Variants in RBM7 observed in about 807,000 individuals in gnomAD.
The protein encoded by RBM7 is RNA-binding protein 7.
Under a neutral mutation model 31.0 loss-of-function variants are expected in RBM7, and 13 were observed. That is an observed-to-expected ratio of 0.42 (90% confidence interval 0.27 to 0.67). The LOEUF (loss-of-function observed/expected upper bound fraction) is 0.67. RBM7 is among the 30% of genes least tolerant of loss of function. The probability of loss-of-function intolerance (pLI) is 0.24; values close to 1 mark genes in which losing one functional copy is unlikely to be tolerated. For synonymous variants in RBM7, 106 were observed against 111.2 expected, an observed-to-expected ratio of 0.95 and a Z score of 0.30; for missense variants, 245 against 326.2, an observed-to-expected ratio of 0.75 and a Z score of 1.92.
At position 114,405,735 on chromosome 11, in the gene RBM7, C is replaced by T; in HGVS notation, c.377C>T (p.Thr126Ile). 6.2e-7 allele frequency: 1 copy of T among 1,605,918 alleles called. No homozygotes were observed. The highest frequency in any genetic ancestry group is 1.1e-5 in the South Asian group (1 of 89,542). Residue 126 changes from threonine (T) to isoleucine (I), a missense_variant, in exon 4 of 5, where the codon ACT becomes ATT. Thr to Ile is a moderately conservative substitution (Grantham distance 89). Coordinates refer to ENST00000375490, the MANE Select transcript of RBM7 (RefSeq NM_001286045.2). Reference protein sequence around the residue: ...SRYERTMDNMTSSAQIIQRSF... With the variant: ...SRYERTMDNMISSAQIIQRSF... ...TACGAAAGGACTATGGATAACATGA[C>T]TTCATCAGCACAGATAATTCAGAGA...
At chr11:114,401,659 G>T in intron 1 of RBM7, 39 bp from the exon 2 acceptor site, 1 of 1,419,590 alleles carries the variant, frequency 7.0e-7, no homozygotes, top group Non-Finnish European at 9.3e-7. Flanking sequence ...TTTTCCCTTA[G>T]TTGCTTTATT....
At chr11:114,405,896 G>A (rs1212652154) in intron 4 of RBM7, 97 bp downstream of exon 4, 2 of 871,226 alleles carry the variant, frequency 2.3e-6, no homozygotes, top group East Asian at 2.8e-5. Context: ...AATTAACTTT[G>A]TTAAGTTGGA....
At chr11:114,404,367 A>T (rs183753656) in intron 3 of RBM7, among the ~76,000 whole-genome samples, 2 of 152,374 alleles carry the variant, frequency 1.3e-5, no homozygotes, top group Non-Finnish European at 2.9e-5. Context: ...ATAGTGAGCC[A>T]GCAATAGTGC....
intron 2 of RBM7, among the ~76,000 whole-genome samples, chr11:114,402,361 G>T (rs910330596): frequency 1.4e-5 from 2 of 146,230 alleles, no homozygotes. Context: ...GCCGTAAAGC[G>T]GTCTACAGCA....
intron 3 of RBM7, among the ~76,000 whole-genome samples, chr11:114,404,061 A>G (rs1463081395): frequency 2.6e-5 from 4 of 152,180 alleles, no homozygotes; most frequent in Non-Finnish European, 4.4e-5. Flanking sequence ...TAGGCTGGAG[A>G]GGGTCTTTTA....
At chr11:114,407,381 G>T in intron 4 of RBM7, 64 bp from the exon 5 acceptor site, 1 of 1,514,212 alleles carries the variant, frequency 6.6e-7, no homozygotes, top group South Asian at 1.3e-5. Flanking sequence ...TCTGTTAACT[G>T]ACCAAATACA....
Position 114,405,811 on chromosome 11 carries a change from A to G in RBM7, c.441+12A>G. ...AGAGACAAGCAGTGGTAGGTTGACT[A>G]TTTTTCAACTTGAATTGCCAAAAAA... is the stretch of plus-strand genomic sequence containing the variant. On this transcript the variant is annotated intron_variant, in intron 4 of 4. Transcript: ENST00000375490. 4.6e-6 allele frequency: 7 copies of G among 1,520,386 alleles called. No individual in the cohort carries two copies. Among genetic ancestry groups the G allele is most frequent in the South Asian group, 1.2e-5 (1 of 82,980 alleles). The allele number at this position is 1,520,386 out of a possible 1,614,324, so 94.2% of individuals were successfully genotyped here. A position where few individuals can be genotyped will look rare whatever the true frequency, so the allele number is the denominator to read the frequency against.
rs142007228 is a variant in RBM7, at chr11:114,403,030, G to A, written c.347+115G>A. ...TATTCTCTTATCTCTTCATTCTGCCGTTATTACTTGCCTTTTGGGGTTGTT... is the reference window on the plus strand; with the variant it reads ...TATTCTCTTATCTCTTCATTCTGCCATTATTACTTGCCTTTTGGGGTTGTT... On this transcript the variant is annotated intron_variant, in intron 3 of 4. Coordinates refer to ENST00000375490, the MANE Select transcript of RBM7 (RefSeq NM_001286045.2). 915 of 913,564 alleles carry A rather than the reference G, an allele frequency of 1.0e-3. 23 individuals are homozygous for A. The East Asian group carries it at 0.022, about 22-fold the overall frequency. 56.6% of individuals were successfully genotyped at this position (913,564 alleles called of 1,614,324 possible). A position where few individuals can be genotyped will look rare whatever the true frequency, so the allele number is the denominator to read the frequency against.
chr11:114,402,093 CAT>C, intron 2 of RBM7: 1 of 436,012 alleles, frequency 2.3e-6, no homozygotes, highest in South Asian at 3.4e-5. Flanking sequence ...AGTGAAAAAA[CAT>C]AAACTGTATC....
intron 3 of RBM7, 51 bp downstream of exon 3, chr11:114,402,966 G>T: frequency 3.5e-6 from 5 of 1,421,668 alleles, no homozygotes; most frequent in Non-Finnish European, 5.0e-6. Flanking sequence ...TTCTTATAGG[G>T]AATAGCCTCA....
At chr11:114,401,933 C>T (rs940334458) in intron 2 of RBM7, 73 bp downstream of exon 2, 3 of 1,425,878 alleles carry the variant, frequency 2.1e-6, no homozygotes, top group Non-Finnish European at 2.8e-6. Context: ...TTTAAAGAAC[C>T]TCTTATTTGT....
At chr11:114,401,620 T>G (rs1040939746) in intron 1 of RBM7, 78 bp from the exon 2 acceptor site, 1 of 1,170,392 alleles carries the variant, frequency 8.5e-7, no homozygotes, top group African/African-American at 1.6e-5. Flanking sequence ...TTTTAAACTT[T>G]GTCATATCTT....
Position 114,401,792 on chromosome 11 carries a change from C to T in RBM7, c.191C>T (p.Pro64Leu). 6.3e-7 allele frequency: 1 copy of T among 1,589,570 alleles called. No individual in the cohort carries two copies. Reference protein sequence around the residue: ...FVNFKHEVSVPYAMNLLNGIK... With the variant: ...FVNFKHEVSVLYAMNLLNGIK... Reference sequence around the variant, plus strand: ...AATTTCAAACATGAAGTGTCTGTTCCTTATGCAATGAATCTACTTAATGGA... The same window carrying T: ...AATTTCAAACATGAAGTGTCTGTTCTTTATGCAATGAATCTACTTAATGGA... Residue 64 changes from proline (P) to leucine (L), a missense_variant, in exon 2 of 5, where the codon CCT (proline) becomes CTT (leucine). By Grantham distance (98) the Pro-to-Leu change is moderately conservative. Coordinates refer to ENST00000375490, the MANE Select transcript of RBM7 (RefSeq NM_001286045.2).
chr11:114,403,455 T>C (rs1050682976), intron 3 of RBM7, among the ~76,000 whole-genome samples: 1 of 152,216 alleles, frequency 6.6e-6, no homozygotes, highest in Non-Finnish European at 1.5e-5. Context: ...GGAAAATAAG[T>C]TGAATTAAAT....
chr11:114,408,315 T>A lies in RBM7; in HGVS notation c.*508T>A, dbSNP rs1946294846. Reference sequence around the variant, plus strand: ...TGCTTAACTTCTTATATAATTTAGGTATAAATTCTGTGACATGCTCTTGAG... The same window carrying A: ...TGCTTAACTTCTTATATAATTTAGGAATAAATTCTGTGACATGCTCTTGAG... On this transcript the variant is annotated 3_prime_UTR_variant, in exon 5 of 5. Transcript: ENST00000375490. The A allele has an allele frequency of 6.5e-6, 1 of 153,136 alleles. No homozygotes were observed. The highest frequency in any genetic ancestry group is 2.1e-4 in the South Asian group (1 of 4,844). The allele number at this position is 153,136 out of a possible 1,614,324, so 9.5% of individuals were successfully genotyped here.
Position 114,400,885 on chromosome 11 carries a change from G to T in RBM7, c.96+118G>T, listed in dbSNP as rs374420226. ...GGGACCCGACGGGTGGCTGTTTGGG[G>T]GTGAAAGGCGGGTCTGGGTTGCGAA... On this transcript the variant is annotated intron_variant, in intron 1 of 4. Transcript: ENST00000375490. The T allele has an allele frequency of 1.0e-4, 118 of 1,162,840 alleles. No homozygotes were observed. The East Asian group carries it at 2.2e-3, about 22-fold the overall frequency. 72.0% of individuals were successfully genotyped at this position (1,162,840 alleles called of 1,614,324 possible).
rs995358099 is a variant in RBM7 at position 114,400,780 on chromosome 11, G to A, written c.96+13G>A. On this transcript the variant is annotated intron_variant, in intron 1 of 4. Coordinates refer to ENST00000375490, the MANE Select transcript of RBM7 (RefSeq NM_001286045.2). Reference sequence around the variant, plus strand: ...GCTTTTCCACCAGGTAAGCGGCTGGGTTCGGCCCTTTGCCTTTCGTTTTCC... The same window carrying A: ...GCTTTTCCACCAGGTAAGCGGCTGGATTCGGCCCTTTGCCTTTCGTTTTCC... 5 of 1,614,042 alleles carry A rather than the reference G, an allele frequency of 3.1e-6. No individual in the cohort carries two copies. In the African/African-American group the frequency reaches 4.0e-5, roughly 13 times the overall value.
Position 114,405,819 on chromosome 11 carries a change from A to G in RBM7, c.441+20A>G, listed in dbSNP as rs750125851. 7 of 1,482,372 alleles carry G rather than the reference A, an allele frequency of 4.7e-6. No homozygotes were observed. In the African/African-American group the frequency reaches 7.3e-5, roughly 15 times the overall value. 91.8% of individuals were successfully genotyped at this position (1,482,372 alleles called of 1,614,324 possible). A position where few individuals can be genotyped will look rare whatever the true frequency, so the allele number is the denominator to read the frequency against. ...GCAGTGGTAGGTTGACTATTTTTCA[A>G]CTTGAATTGCCAAAAAAAAATCATC... On this transcript the variant is annotated intron_variant, in intron 4 of 4. Transcript: ENST00000375490.
chr11:114,409,954 T>G lies in RBM7; in HGVS notation c.*2147T>G, dbSNP rs1053844690. 1.3e-5 allele frequency: 2 copies of G among 152,080 alleles called. No homozygotes were observed. Among genetic ancestry groups the G allele is most frequent in the Non-Finnish European group, 1.5e-5 (1 of 68,006 alleles). 9.4% of individuals were successfully genotyped at this position (152,080 alleles called of 1,614,324 possible). On this transcript the variant is annotated 3_prime_UTR_variant, in exon 5 of 5. Transcript: ENST00000375490. Reference sequence around the variant, plus strand: ...TCCCTTATTCAAAATGCTTGAGAAGTGTTTTGGGTTCTGGAATATTTGCAT... The same window carrying G: ...TCCCTTATTCAAAATGCTTGAGAAGGGTTTTGGGTTCTGGAATATTTGCAT...
Sources: allele counts gnomAD v4.1 joint callset (sites outside exome capture counted in the v4.1 genomes callset), GRCh38; gene constraint gnomAD v4.1.1; transcripts MANE v1.5; gene names NCBI Gene and HGNC (gene_info 2026-07-23, HGNC 2026-07-21).